The following PIWIL2 variants were observed in gnomAD, a reference collection of about 807,000 sequenced individuals.
PIWIL2 encodes piwi-like protein 2.
A neutral mutation model predicts 116.5 loss-of-function variants in PIWIL2; 81 were observed. The ratio of observed to expected loss-of-function variants is 0.70; its 90% CI spans 0.58 to 0.84. The LOEUF is 0.84. Among genes scored for constraint, PIWIL2 ranks in the 40% least tolerant of loss-of-function variants. The probability of loss-of-function intolerance (pLI) is 0.00; values close to 1 mark genes in which losing one functional copy is unlikely to be tolerated. For synonymous variants in PIWIL2, 489 were observed against 429.5 expected, an observed-to-expected ratio of 1.14 and a Z score of -1.71; for missense variants, 1,272 against 1,212.3, an observed-to-expected ratio of 1.05 and a Z score of -0.73.
chr8:22,286,062 A>G (rs1384568201), intron 6 of PIWIL2, among the ~76,000 whole-genome samples: 2 of 152,214 alleles, frequency 1.3e-5, no homozygotes, highest in East Asian at 1.9e-4. Context: ...AGAAAGGAAC[A>G]GTTAGGGAGA....
intron 20 of PIWIL2, among the ~76,000 whole-genome samples, chr8:22,319,532 A>G (rs1326108046): frequency 5.3e-5 from 8 of 152,156 alleles, no homozygotes; most frequent in African/African-American, 1.4e-4. Context: ...TTATTTATGC[A>G]TCCCACTGGG....
In PIWIL2 at chr8:22,328,417, C is replaced by T. The variant is rs773760200; in HGVS notation, c.2403+10142C>T. Among the ~76,000 whole-genome samples, 49 of 151,884 alleles carry T rather than the reference C, an allele frequency of 3.2e-4. 1 individual carries two copies. The highest frequency in any genetic ancestry group is 6.3e-4 in the Non-Finnish European group (43 of 67,984). The stretch of plus-strand genomic sequence containing the variant: ...CAGTATTGTTTTTGCTATTCAGTGC[C>T]CCCTTGGAATTGTATATGAATTTGA... On this transcript the variant is annotated intron_variant, in intron 20 of 22. Transcript: ENST00000356766.
At chr8:22,309,540 T>C (rs1248052549) in intron 14 of PIWIL2, among the ~76,000 whole-genome samples, 4 of 152,040 alleles carry the variant, frequency 2.6e-5, no homozygotes, top group African/African-American at 9.7e-5. Flanking sequence ...GGTTTCACCA[T>C]GTTGGCCAGG....
At chr8:22,278,978 G>A (rs945066938) in intron 1 of PIWIL2, among the ~76,000 whole-genome samples, 3 of 152,114 alleles carry the variant, frequency 2.0e-5, no homozygotes, top group Non-Finnish European at 2.9e-5. Flanking sequence ...ACATTATGGT[G>A]AATTGTATAA....
At chr8:22,300,521 T>TA (rs1831020665) in intron 10 of PIWIL2, among the ~76,000 whole-genome samples, 1 of 152,220 alleles carries the variant, frequency 6.6e-6, no homozygotes, top group African/African-American at 2.4e-5. Flanking sequence ...GGTTAGTAGA[T>TA]ACCTGGGAGC....
intron 20 of PIWIL2, among the ~76,000 whole-genome samples, chr8:22,339,026 A>G (rs138266043): frequency 0.017 from 2,665 of 152,314 alleles, 37 homozygotes; most frequent in South Asian, 0.029. Context: ...AAATAAACCC[A>G]TGGGCCTATG....
chr8:22,281,618 G>C (rs1184814973), intron 4 of PIWIL2, 103 bp downstream of exon 4: 1 of 974,766 alleles, frequency 1.0e-6, no homozygotes, highest in East Asian at 2.8e-5. Flanking sequence ...CATAATCAAT[G>C]TCTGGTTTTA....
At chr8:22,288,770 A>T (rs1830689858) in intron 8 of PIWIL2, 104 bp downstream of exon 8, 5 of 1,038,694 alleles carry the variant, frequency 4.8e-6, no homozygotes, top group Non-Finnish European at 7.0e-6. Flanking sequence ...TATATTCTAG[A>T]TGGGTTTGGA....
chr8:22,313,636 T>A (rs1483084929), intron 16 of PIWIL2, among the ~76,000 whole-genome samples: 1 of 152,204 alleles, frequency 6.6e-6, no homozygotes, highest in African/African-American at 2.4e-5. Flanking sequence ...GTACCACTGA[T>A]TTACCATTTG....
At chr8:22,332,354 A>G (rs575164675) in intron 20 of PIWIL2, among the ~76,000 whole-genome samples, 38 of 151,858 alleles carry the variant, frequency 2.5e-4, no homozygotes, top group Non-Finnish European at 3.8e-4. Context: ...AGGCCAATAG[A>G]TAGGAGGTTA....
intron 20 of PIWIL2, among the ~76,000 whole-genome samples, chr8:22,327,251 G>A (rs986216963): frequency 6.6e-6 from 1 of 151,446 alleles, no homozygotes; most frequent in Non-Finnish European, 1.5e-5. Context: ...TGGCCAGGCT[G>A]GTCTCGAACT....
intron 10 of PIWIL2, among the ~76,000 whole-genome samples, chr8:22,299,691 G>C (rs778428111): frequency 1.1e-3 from 165 of 151,976 alleles, no homozygotes; most frequent in Non-Finnish European, 1.4e-3. Context: ...GATGAGTTTT[G>C]ATATATGGAT....
At chr8:22,294,805 C>T (rs146398347) in intron 10 of PIWIL2, among the ~76,000 whole-genome samples, 1,611 of 139,464 alleles carry the variant, frequency 0.012, 43 homozygotes, top group African/African-American at 0.04. Context: ...TCATGCCTGT[C>T]ATCCCAGGAC....
rs755869562 is a variant in PIWIL2 at position 22,352,937 on chromosome 8, C to T, written c.2404-22C>T. The T allele has an allele frequency of 1.9e-6, 3 of 1,597,734 alleles. No individual in the cohort carries two copies. In the South Asian group the frequency reaches 3.4e-5, roughly 18 times the overall value. On this transcript the variant is annotated intron_variant, in intron 20 of 22. Transcript: ENST00000356766. ...GTAGCCTGAGGGCTCTGTGAGTCAC[C>T]ACATCCTCGCTGTCATTTCAGGTGA...
chr8:22,324,350 T>C (rs987677406), intron 20 of PIWIL2, among the ~76,000 whole-genome samples: 2 of 152,194 alleles, frequency 1.3e-5, no homozygotes, highest in African/African-American at 4.8e-5. Flanking sequence ...TCTCCATTTA[T>C]ACCCCCACCT....
rs775315563 is a variant in PIWIL2 at position 22,289,939 on chromosome 8, T to C, written c.1067+12T>C. 1.9e-6 allele frequency: 3 copies of C among 1,565,316 alleles called. No homozygotes were observed. The highest frequency in any genetic ancestry group is 1.1e-5 in the South Asian group (1 of 89,730). On this transcript the variant is annotated intron_variant, in intron 9 of 22. Coordinates refer to ENST00000356766, the MANE Select transcript of PIWIL2 (RefSeq NM_018068.5). ...CTACAGCAACACAGGTTGGTACTTT[T>C]TTCCCTTCCCTCACTTTTGAATGTT...
intron 18 of PIWIL2, 41 bp downstream of exon 18, chr8:22,315,186 A>C (rs898250104): frequency 9.9e-6 from 11 of 1,112,330 alleles, no homozygotes; most frequent in Non-Finnish European, 1.4e-5. Flanking sequence ...TCTCCAGAGA[A>C]TCCTCCAAGC....
At chr8:22,303,395 A>C (rs746808211) in intron 10 of PIWIL2, among the ~76,000 whole-genome samples, 1 of 152,128 alleles carries the variant, frequency 6.6e-6, no homozygotes. Context: ...TAAACAATTA[A>C]TTTTAATTAA....
chr8:22,282,990 G>A (rs1454031872), intron 4 of PIWIL2, 44 bp from the exon 5 acceptor site: 1 of 1,414,526 alleles, frequency 7.1e-7, no homozygotes, highest in Non-Finnish European at 1.0e-6. Context: ...ATGGGACATA[G>A]CTATTATAAA....
Sources: gnomAD v4.1 joint callset for allele counts (sites outside exome capture counted in the v4.1 genomes callset) on GRCh38, gnomAD v4.1.1 for gene constraint, MANE v1.5 for transcripts, NCBI Gene and HGNC (gene_info 2026-07-23, HGNC 2026-07-21) for gene names.